LPO: variants seen among roughly 807,000 people sequenced by gnomAD.
LPO encodes salivary peroxidase.
A neutral mutation model predicts 68.4 loss-of-function variants in LPO; 70 were observed. The observed-to-expected ratio is 1.02, with a 90% CI of 0.84 to 1.25. The LOEUF is 1.25. Among genes scored for constraint, LPO ranks in the 50% most tolerant of loss-of-function variants. LPO has a pLI of 0.00. For missense variants in LPO, 873 were observed against 908.4 expected, an observed-to-expected ratio of 0.96 and a Z score of 0.50; for synonymous variants, 360 against 357.6, an observed-to-expected ratio of 1.01 and a Z score of -0.08.
At chr17:58,259,180 C>T (rs1567821722) in intron 9 of LPO, among the ~76,000 whole-genome samples, 1 of 152,136 alleles carries the variant, frequency 6.6e-6, no homozygotes, top group Non-Finnish European at 1.5e-5. Flanking sequence ...CAAAGACTTT[C>T]TCCTGCTTTT....
At chr17:58,266,436 A>C (rs111868715) in intron 11 of LPO, 110 bp downstream of exon 11, 7 of 1,282,404 alleles carry the variant, frequency 5.5e-6, no homozygotes, top group Non-Finnish European at 4.2e-6. Flanking sequence ...TCAATTCTGA[A>C]ACAAAAGTCA....
intron 4 of LPO, among the ~76,000 whole-genome samples, chr17:58,248,317 T>C (rs8178325): frequency 0.033 from 4,950 of 152,248 alleles, 263 homozygotes; most frequent in African/African-American, 0.11. Context: ...AGAAGGAAAC[T>C]GGGACAAGGT....
chr17:58,249,920 G>A (rs1969926881), intron 6 of LPO, among the ~76,000 whole-genome samples: 1 of 152,214 alleles, frequency 6.6e-6, no homozygotes, highest in Non-Finnish European at 1.5e-5. Context: ...ATACCCTGGG[G>A]TCTCCCGGGC....
chr17:58,249,043 G>A lies in LPO; in HGVS notation c.326-17G>A. The stretch of plus-strand genomic sequence containing the variant: ...TGGAGAAAGAACTCAGTCCCTTTGG[G>A]GTCCCTTCTGTTTCAGATCCCAGCC... On this transcript the variant is annotated splice_polypyrimidine_tract_variant and intron_variant, in intron 4 of 12. Coordinates refer to ENST00000262290, the MANE Select transcript of LPO (RefSeq NM_006151.3). The A allele has an allele frequency of 6.3e-7, 1 of 1,597,054 alleles. No homozygotes were observed. The highest frequency in any genetic ancestry group is 8.6e-7 in the Non-Finnish European group (1 of 1,164,450).
At chr17:58,254,443 T>C (rs1182058447) in intron 8 of LPO, 1 of 158,042 alleles carries the variant, frequency 6.3e-6, no homozygotes, top group Non-Finnish European at 1.4e-5. Flanking sequence ...CATTCGAAGC[T>C]CCCCTTCCTA....
At chr17:58,264,633 C>A in intron 9 of LPO, 89 bp from the exon 10 acceptor site, 1 of 1,414,952 alleles carries the variant, frequency 7.1e-7, no homozygotes, top group Non-Finnish European at 9.9e-7. Flanking sequence ...AACAGCTCAT[C>A]ACTCTTGGCT....
chr17:58,256,963 T>C (rs1970084743), intron 9 of LPO, among the ~76,000 whole-genome samples: 1 of 151,616 alleles, frequency 6.6e-6, no homozygotes, highest in African/African-American at 2.4e-5. Context: ...AGTCACCCTG[T>C]TGTGCTATCA....
chr17:58,266,059 A>T, intron 10 of LPO, 94 bp from the exon 11 acceptor site: 1 of 1,255,568 alleles, frequency 8.0e-7, no homozygotes, highest in Non-Finnish European at 1.1e-6. Context: ...ACATTCAACT[A>T]AGAGAAAATG....
intron 9 of LPO, among the ~76,000 whole-genome samples, chr17:58,263,959 G>C (rs1326851921): frequency 6.6e-6 from 1 of 152,162 alleles, no homozygotes; most frequent in Non-Finnish European, 1.5e-5. Context: ...GCTGCCTGCT[G>C]TTGCTGAGCA....
rs369064489 is a variant in LPO, at chr17:58,264,762, A to G, written c.1307A>G (p.Asp436Gly). The G allele has an allele frequency of 9.3e-6, 15 of 1,614,042 alleles. No individual in the cohort carries two copies. The highest frequency in any genetic ancestry group is 1.2e-5 in the Non-Finnish European group (14 of 1,180,008). The change falls in exon 10 of 13, where the codon GAC (aspartate) becomes GGC (glycine). Residue 436 changes from aspartate to glycine, a missense_variant. Asp to Gly is a moderately conservative substitution (Grantham distance 94, BLOSUM62 -1). Transcript: ENST00000262290. ...FRDYLPILLG[D>G]HMQKWIPPYQ... ...GACTACCTACCCATTTTGCTAGGTGACCACATGCAGAAGTGGATACCCCCA... is the reference window on the plus strand; with the variant it reads ...GACTACCTACCCATTTTGCTAGGTGGCCACATGCAGAAGTGGATACCCCCA...
rs8178315 is a variant in LPO at position 58,247,206 on chromosome 17, A to G, written c.165-272A>G. Among the ~76,000 whole-genome samples, 46 of 152,344 alleles carry G rather than the reference A, an allele frequency of 3.0e-4. No homozygotes were observed. In the East Asian group the frequency reaches 6.8e-3, roughly 22 times the overall value. On this transcript the variant is annotated intron_variant, in intron 3 of 12. Coordinates refer to ENST00000262290, the MANE Select transcript of LPO (RefSeq NM_006151.3). ...ACTTTCTAGGATGATGAAATGTTCT[A>G]TATCTGCACTGTCCAACACAGTCAT...
intron 5 of LPO, 176 bp downstream of exon 5, chr17:58,249,353 C>A: frequency 2.2e-6 from 2 of 898,136 alleles, no homozygotes; most frequent in South Asian, 3.5e-5. Context: ...TCCCTCCAGC[C>A]CACTGTGTGT....
At chr17:58,249,205 A>C (rs1425625373) in intron 5 of LPO, 28 bp downstream of exon 5, 2 of 1,579,796 alleles carry the variant, frequency 1.3e-6, no homozygotes, top group South Asian at 1.1e-5. Context: ...GTGGGGGCCG[A>C]CCATTCCAGC....
intron 1 of LPO, among the ~76,000 whole-genome samples, chr17:58,239,218 A>C (rs1969711742): frequency 6.7e-6 from 1 of 150,110 alleles, no homozygotes; most frequent in East Asian, 2.0e-4. Context: ...TCAGGTCTTC[A>C]TCTCATTTCC....
intron 9 of LPO, among the ~76,000 whole-genome samples, chr17:58,255,895 A>C (rs1213837628): frequency 6.6e-6 from 1 of 152,194 alleles, no homozygotes; most frequent in African/African-American, 2.4e-5. Context: ...ATGTGTCTGC[A>C]TAGCTCTATG....
At chr17:58,245,059 G>A (rs571095242) in intron 3 of LPO, among the ~76,000 whole-genome samples, 1 of 152,360 alleles carries the variant, frequency 6.6e-6, no homozygotes, top group East Asian at 1.9e-4. Flanking sequence ...CAAGCCGTCA[G>A]ATAACTTTTT....
intron 1 of LPO, among the ~76,000 whole-genome samples, chr17:58,240,910 T>C (rs947612650): frequency 2.6e-5 from 4 of 152,098 alleles, no homozygotes; most frequent in Non-Finnish European, 5.9e-5. Flanking sequence ...ATCAGTGATA[T>C]GGTGGTTGCC....
At position 58,251,928 on chromosome 17, in the gene LPO, G is replaced by A. The variant is rs528576205; in HGVS notation, c.781-254G>A. ...GGAGCTCAATACTCCCTCCTCACCA[G>A]AAATTTGGAGCCCTCACTGTGAGGA... On this transcript the variant is annotated intron_variant, in intron 7 of 12. Transcript: ENST00000262290. The A allele has an allele frequency of 4.3e-5, 31 of 717,526 alleles. No individual in the cohort carries two copies. In the East Asian group the frequency reaches 8.2e-4, roughly 19 times the overall value. 44.4% of individuals were successfully genotyped at this position (717,526 alleles called of 1,614,324 possible).
chr17:58,257,439 C>T (rs1455968985), intron 9 of LPO, among the ~76,000 whole-genome samples: 1 of 152,168 alleles, frequency 6.6e-6, no homozygotes, highest in Non-Finnish European at 1.5e-5. Flanking sequence ...TAATGATTTC[C>T]ACTTCCATCC....
Sources: allele counts gnomAD v4.1 joint callset (sites outside exome capture counted in the v4.1 genomes callset), GRCh38; gene constraint gnomAD v4.1.1; transcripts MANE v1.5; gene names NCBI Gene and HGNC (gene_info 2026-07-23, HGNC 2026-07-21).